DDX27: variants seen among roughly 807,000 people sequenced by gnomAD.
DDX27 encodes the protein probable ATP-dependent RNA helicase DDX27.
A neutral mutation model predicts 99.3 loss-of-function variants in DDX27; 42 were observed. The ratio of observed to expected loss-of-function variants is 0.42; its 90% CI spans 0.33 to 0.55. The LOEUF is 0.55. Among genes scored for constraint, DDX27 ranks in the 20% least tolerant of loss-of-function variants. The probability of loss-of-function intolerance (pLI) is 0.07; values close to 1 mark genes in which losing one functional copy is unlikely to be tolerated. For missense variants in DDX27, 798 were observed against 976.8 expected, an observed-to-expected ratio of 0.82 and a Z score of 2.44; for synonymous variants, 329 against 353.8, an observed-to-expected ratio of 0.93 and a Z score of 0.79.
intron 18 of DDX27, 107 bp downstream of exon 18, chr20:49,242,313 T>A: frequency 2.0e-6 from 3 of 1,511,542 alleles, no homozygotes; most frequent in Non-Finnish European, 2.7e-6. Flanking sequence ...CCACATTATT[T>A]GAGTAATTAG....
chr20:49,219,433 T>C lies in DDX27; in HGVS notation c.-16T>C, dbSNP rs747857285. ...CGCAGGCTGTGCTCGCTTCCGGAAG[T>C]GGCTTCTGCGACAACATGCTTGCGG... On this transcript the variant is annotated 5_prime_UTR_variant, in exon 1 of 21. Coordinates refer to ENST00000618172, the MANE Select transcript of DDX27 (RefSeq NM_017895.8). 1.4e-5 allele frequency: 22 copies of C among 1,613,904 alleles called. No homozygotes were observed. In the Admixed American group the frequency reaches 3.5e-4, roughly 26 times the overall value.
intron 14 of DDX27, 24 bp from the exon 15 acceptor site, chr20:49,238,925 T>A: frequency 6.3e-7 from 1 of 1,578,726 alleles, no homozygotes; most frequent in Non-Finnish European, 8.7e-7. Flanking sequence ...TATTTGTAAA[T>A]CCTTTTTATT....
chr20:49,234,867 T>G, intron 11 of DDX27, 68 bp from the exon 12 acceptor site: 1 of 1,506,126 alleles, frequency 6.6e-7, no homozygotes, highest in Non-Finnish European at 8.9e-7. Context: ...ACTTTGTGGA[T>G]GAGGAGGGGG....
chr20:49,241,923 C>T lies in DDX27; in HGVS notation c.1928C>T (p.Ala643Val). The T allele has an allele frequency of 6.2e-7, 1 of 1,614,104 alleles. No individual in the cohort carries two copies. Among genetic ancestry groups the T allele is most frequent in the Non-Finnish European group, 8.5e-7 (1 of 1,180,028 alleles). ...AAAGCTCTGCAGGAATTTGACTTGG[C>T]CTTAAGAGGAAAGAAGAAAAGGAAG... is the stretch of plus-strand genomic sequence containing the variant. ...IAKALQEFDL[A>V]LRGKKKRKKF... is the part of the protein sequence containing the mutation. Residue 643 changes from alanine (A) to valine (V), a missense_variant, in exon 17 of 21, where the codon GCC becomes GTC. Physicochemically the swap from Ala to Val is moderately conservative, Grantham distance 64. Coordinates refer to ENST00000618172, the MANE Select transcript of DDX27 (RefSeq NM_017895.8).
chr20:49,224,894 A>C (rs752572901), intron 4 of DDX27, 51 bp from the exon 5 acceptor site: 10 of 1,604,718 alleles, frequency 6.2e-6, no homozygotes, highest in Non-Finnish European at 8.5e-6. Context: ...AGCAGGATGC[A>C]AGTGCTTTGT....
chr20:49,220,615 C>A (rs1979620998), intron 1 of DDX27, among the ~76,000 whole-genome samples: 1 of 152,046 alleles, frequency 6.6e-6, no homozygotes, highest in Non-Finnish European at 1.5e-5. Context: ...CCCCTGTGGG[C>A]GCGGGCGGCC....
chr20:49,233,654 G>A lies in DDX27; in HGVS notation c.1218G>A (p.Gln406=). The A allele has an allele frequency of 1.2e-6, 2 of 1,614,060 alleles. No homozygotes were observed. The highest frequency in any genetic ancestry group is 1.7e-5 in the Admixed American group (1 of 60,024). Residue 406 remains glutamine (Q), a synonymous_variant, in exon 11 of 21, where the codon CAG becomes CAA. Coordinates refer to ENST00000618172, the MANE Select transcript of DDX27 (RefSeq NM_017895.8). The stretch of plus-strand genomic sequence containing the variant: ...CAGATGTGGCTCCCTTCCTGCGGCA[G>A]GAGTTCATCCGGATCCGGCCTAATC... ...SNTDVAPFLR[Q]EFIRIRPNRE...
intron 4 of DDX27, among the ~76,000 whole-genome samples, chr20:49,224,076 TTTG>T (rs1667326977): frequency 6.6e-6 from 1 of 151,794 alleles, no homozygotes; most frequent in Non-Finnish European, 1.5e-5. Context: ...GGGGTCTTGC[TTTG>T]TTGCTCAGGC....
rs551443340 is a variant in DDX27, at chr20:49,235,962, C to G, written c.1428-188C>G. Reference sequence around the variant, plus strand: ...GTTTCACCGTGTTAGCGAGGATGGTCTCGATCTCCTGACCTCGTGATCTGC... The same window carrying G: ...GTTTCACCGTGTTAGCGAGGATGGTGTCGATCTCCTGACCTCGTGATCTGC... On this transcript the variant is annotated intron_variant, in intron 12 of 20. Transcript: ENST00000618172. 7.0e-6 allele frequency: 3 copies of G among 426,964 alleles called. No individual in the cohort carries two copies. In the South Asian group the frequency reaches 1.3e-4, roughly 19 times the overall value. 26.4% of individuals were successfully genotyped at this position (426,964 alleles called of 1,614,324 possible).
rs1395214974 is a variant in DDX27, at chr20:49,233,634, G to T, written c.1198G>T (p.Val400Leu). 3 of 1,614,006 alleles carry T rather than the reference G, an allele frequency of 1.9e-6. No individual in the cohort carries two copies. In the African/African-American group the frequency reaches 4.0e-5, roughly 22 times the overall value. ...GATATTTGTGAACAGCAACACAGAT[G>T]TGGCTCCCTTCCTGCGGCAGGAGTT... is the stretch of plus-strand genomic sequence containing the variant. ...VRIFVNSNTD[V>L]APFLRQEFIR... The change falls in exon 11 of 21, where the codon GTG becomes TTG. Residue 400 changes from valine (V) to leucine (L), a missense_variant. Coordinates refer to ENST00000618172, the MANE Select transcript of DDX27 (RefSeq NM_017895.8).
At chr20:49,226,300 G>A (rs1160249887) in intron 6 of DDX27, 130 bp from the exon 7 acceptor site, 1 of 616,010 alleles carries the variant, frequency 1.6e-6, no homozygotes, top group Non-Finnish European at 2.8e-6. Flanking sequence ...TAGGCGTTCA[G>A]TGAATGTTTG....
At chr20:49,221,000 C>T (rs1027407466) in intron 1 of DDX27, among the ~76,000 whole-genome samples, 7 of 152,128 alleles carry the variant, frequency 4.6e-5, no homozygotes, top group Admixed American at 1.3e-4. Flanking sequence ...CTTGCTCGGT[C>T]GCCCAGGGTG....
intron 18 of DDX27, 61 bp from the exon 19 acceptor site, chr20:49,242,533 A>T: frequency 6.7e-7 from 1 of 1,502,522 alleles, no homozygotes; most frequent in Admixed American, 1.8e-5. Flanking sequence ...CCTTGAACTT[A>T]AGGGGATTTA....
chr20:49,236,638 C>A lies in DDX27; in HGVS notation c.1687+128C>A, dbSNP rs1209669708. On this transcript the variant is annotated intron_variant, in intron 14 of 20. Transcript: ENST00000618172. This position sits in a 1 kb window ranked among gnomAD's most constrained non-coding sequence, Gnocchi z 4.1. ...GAATTCCAGCCCTGCTGCTTCCTTG[C>A]CGAGTGACCATGTGCAGGTTTCACC... The A allele has an allele frequency of 3.2e-6, 3 of 942,342 alleles. No individual in the cohort carries two copies. The highest frequency in any genetic ancestry group is 3.1e-5 in the East Asian group (1 of 31,892). The allele number at this position is 942,342 out of a possible 1,614,324, so 58.4% of individuals were successfully genotyped here.
chr20:49,223,814 G>C (rs1002868376), intron 4 of DDX27, among the ~76,000 whole-genome samples: 2 of 152,130 alleles, frequency 1.3e-5, no homozygotes, highest in Non-Finnish European at 2.9e-5. Flanking sequence ...CTGGGAGGCA[G>C]AGGTTGCAGT....
At position 49,242,739 on chromosome 20, in the gene DDX27, T is replaced by C. The variant is rs987317197; in HGVS notation, c.2204+58T>C. 7.3e-5 allele frequency: 55 copies of C among 757,480 alleles called. No individual in the cohort carries two copies. In the Admixed American group the frequency reaches 1.3e-3, roughly 18 times the overall value. 46.9% of individuals were successfully genotyped at this position (757,480 alleles called of 1,614,324 possible). A position where few individuals can be genotyped will look rare whatever the true frequency, so the allele number is the denominator to read the frequency against. ...ATTCTTTTTTTTTTTTTTTTTTTTTTTGAGACGGAGTCTCGCTCTGTCGCC... is the reference window on the plus strand; with the variant it reads ...ATTCTTTTTTTTTTTTTTTTTTTTTCTGAGACGGAGTCTCGCTCTGTCGCC... On this transcript the variant is annotated intron_variant, in intron 19 of 20. Transcript: ENST00000618172.
chr20:49,225,148 C>T lies in DDX27; in HGVS notation c.549C>T (p.Tyr183=), dbSNP rs189389537. ...AGGFFEDASQ[Y]DENLSFQDMN... ...GATTTTTTGAAGATGCATCTCAGTA[C>T]GATGAAAACCTCTCGTTCCAGGACA... Residue 183 remains tyrosine (Y), a synonymous_variant, in exon 6 of 21, where the codon TAC becomes TAT. Coordinates refer to ENST00000618172, the MANE Select transcript of DDX27 (RefSeq NM_017895.8). 602 of 1,613,976 alleles carry T rather than the reference C, an allele frequency of 3.7e-4. No homozygotes were observed. Among genetic ancestry groups the T allele is most frequent in the Non-Finnish European group, 4.6e-4 (542 of 1,179,920 alleles).
At chr20:49,220,760 T>G (rs1325040346) in intron 1 of DDX27, among the ~76,000 whole-genome samples, 5 of 151,336 alleles carry the variant, frequency 3.3e-5, no homozygotes, top group African/African-American at 1.2e-4. Flanking sequence ...GGGGTGTGTT[T>G]GTCACACCCA....
chr20:49,235,417 T>A, intron 12 of DDX27: 1 of 230,836 alleles, frequency 4.3e-6, no homozygotes, highest in Non-Finnish European at 8.4e-6. Context: ...CATTCCTGGG[T>A]CTGATTGAAC....
Sources: allele counts gnomAD v4.1 joint callset (sites outside exome capture counted in the v4.1 genomes callset), GRCh38; gene constraint gnomAD v4.1.1; non-coding constraint Gnocchi (gnomAD v3.1); transcripts MANE v1.5; gene names NCBI Gene and HGNC (gene_info 2026-07-23, HGNC 2026-07-21).